The following DCAF8L2 variants were observed in gnomAD, a reference collection of about 807,000 sequenced individuals.
DCAF8L2 encodes the protein DDB1- and CUL4-associated factor 8-like protein 2.
For synonymous variants in DCAF8L2, 200 were observed against 190.9 expected (o/e 1.05, Z -0.39); for missense variants, 430 against 490.7 (o/e 0.88, Z 1.17).
intron 3 of DCAF8L2, among the ~76,000 whole-genome samples, chrX:27,695,275 A>G (rs897595766): frequency 4.4e-5 from 5 of 112,559 alleles, no homozygotes; most frequent in Non-Finnish European, 7.5e-5. Context: ...TATGAAGGTT[A>G]CTATTATTTT....
At chrX:27,531,728 G>C in the DCAF8L2 span, among the ~76,000 whole-genome samples, 1 of 111,229 alleles carries the variant, frequency 9.0e-6, no homozygotes, top group Non-Finnish European at 1.9e-5. Flanking sequence ...GGCTACATCT[G>C]TTTTCCATCT....
intron 1 of DCAF8L2, among the ~76,000 whole-genome samples, chrX:27,628,438 G>A (rs778441520): frequency 7.2e-5 from 8 of 111,472 alleles, no homozygotes; most frequent in African/African-American, 2.6e-4. Context: ...TTTCCTTTGT[G>A]TATATGCACA....
intron 1 of DCAF8L2, among the ~76,000 whole-genome samples, chrX:27,613,173 G>A (rs985390767): frequency 9.0e-6 from 1 of 111,248 alleles, no homozygotes; most frequent in African/African-American, 3.3e-5. Flanking sequence ...CACATCCCTT[G>A]TAAGTTGGAT....
the DCAF8L2 span, among the ~76,000 whole-genome samples, chrX:27,578,274 G>T: frequency 9.0e-6 from 1 of 111,541 alleles, no homozygotes; most frequent in Admixed American, 9.5e-5. Flanking sequence ...ACAACAATCT[G>T]ATCTCTGACA....
At chrX:27,628,882 T>C (rs1045592457) in intron 1 of DCAF8L2, among the ~76,000 whole-genome samples, 4 of 111,352 alleles carry the variant, frequency 3.6e-5, no homozygotes, top group Non-Finnish European at 7.5e-5. Context: ...GGATTACAGG[T>C]GTGAGTCTTT....
intron 2 of DCAF8L2, among the ~76,000 whole-genome samples, chrX:27,661,892 G>A (rs1929571804): frequency 1.8e-5 from 2 of 111,388 alleles, no homozygotes; most frequent in South Asian, 7.5e-4. Flanking sequence ...CCACTTCCTG[G>A]GATGTCTGGA....
chrX:27,564,652 A>G, the DCAF8L2 span, among the ~76,000 whole-genome samples: 1 of 109,851 alleles, frequency 9.1e-6, no homozygotes, highest in South Asian at 4.0e-4. Flanking sequence ...GAGACTGGAA[A>G]TGGGTCAATG....
In DCAF8L2 at chrX:27,748,945, C is replaced by T; in HGVS notation, c.*154C>T. 1.5e-6 allele frequency: 1 copy of T among 658,659 alleles called. No homozygotes were observed. The highest frequency in any genetic ancestry group is 2.2e-6 in the Non-Finnish European group (1 of 461,486). The allele number at this position is 658,659 out of a possible 1,213,427, so 54.3% of individuals were successfully genotyped here. ...TGAAAACCGTCTCTTCCATTCCTTC[C>T]TCTCTACTTTCCTTTCTTTCTTCCA... is the stretch of plus-strand genomic sequence containing the variant. On this transcript the variant is annotated 3_prime_UTR_variant, in exon 5 of 5. Coordinates refer to ENST00000451261, the MANE Select transcript of DCAF8L2 (RefSeq NM_001353450.2).
intron 2 of DCAF8L2, among the ~76,000 whole-genome samples, chrX:27,661,793 C>A (rs939861852): frequency 3.6e-5 from 4 of 111,403 alleles, no homozygotes; most frequent in African/African-American, 1.3e-4. Flanking sequence ...GCCTTTCTCA[C>A]ATGATAGAGG....
intron 1 of DCAF8L2, among the ~76,000 whole-genome samples, chrX:27,630,788 C>T (rs1463423734): frequency 8.9e-6 from 1 of 112,011 alleles, no homozygotes; most frequent in Non-Finnish European, 1.9e-5. Flanking sequence ...GCTAGGAAGT[C>T]CAAGCTCAAG....
chrX:27,560,324 G>A, the DCAF8L2 span, among the ~76,000 whole-genome samples: 1 of 110,474 alleles, frequency 9.1e-6, no homozygotes, highest in African/African-American at 3.3e-5. Context: ...TTCACTGGGA[G>A]GATTTTTCTT....
rs1363668763 is a variant in DCAF8L2, at chrX:27,747,321, GGAGGAGGAA to G, written c.429_437del (p.Glu145_Glu147del). The G allele has an allele frequency of 1.4e-4, 145 of 1,049,038 alleles. No homozygotes were observed. The East Asian group carries it at 3.4e-3, about 25-fold the overall frequency. 86.5% of individuals were successfully genotyped at this position (1,049,038 alleles called of 1,213,427 possible). ...AGGAGGAGGAGGAGGAGGAGGAGGA[GGAGGAGGAA>G]GAAGAACAGCCTCGGGCGGGTCCAC... On this transcript the variant is annotated inframe_deletion, in exon 5 of 5. Transcript: ENST00000451261.
At chrX:27,737,115 A>C (rs1031546674) in intron 4 of DCAF8L2, among the ~76,000 whole-genome samples, 2 of 112,056 alleles carry the variant, frequency 1.8e-5, no homozygotes, top group Non-Finnish European at 3.8e-5. Context: ...AAATATTTAA[A>C]AGTTTCTCAG....
chrX:27,646,509 G>T (rs1370202368), intron 2 of DCAF8L2, among the ~76,000 whole-genome samples: 1 of 111,596 alleles, frequency 9.0e-6, no homozygotes, highest in East Asian at 2.8e-4. Flanking sequence ...CATGGGCAAA[G>T]ATTTTATGAT....
chrX:27,710,465 T>C (rs12690127), intron 3 of DCAF8L2, among the ~76,000 whole-genome samples: 11,146 of 111,389 alleles, frequency 0.1, 547 homozygotes, highest in East Asian at 0.35. Flanking sequence ...CTAATCTGTT[T>C]GTCAGTGTTC....
At chrX:27,566,585 C>T in the DCAF8L2 span, among the ~76,000 whole-genome samples, 5 of 110,867 alleles carry the variant, frequency 4.5e-5, no homozygotes, top group Non-Finnish European at 9.5e-5. Context: ...ATGGTAATGT[C>T]TCCTTTTGCA....
chrX:27,720,362 T>A (rs1931851472), intron 4 of DCAF8L2, among the ~76,000 whole-genome samples: 1 of 107,810 alleles, frequency 9.3e-6, no homozygotes. Context: ...TATTGTAGAT[T>A]ATTATTATTA....
chrX:27,569,279 G>T, the DCAF8L2 span, among the ~76,000 whole-genome samples: 1 of 111,139 alleles, frequency 9.0e-6, no homozygotes, highest in South Asian at 3.8e-4. Flanking sequence ...ATATCTTTCA[G>T]GCTTGTTTCT....
At chrX:27,544,726 G>A in the DCAF8L2 span, among the ~76,000 whole-genome samples, 379 of 111,956 alleles carry the variant, frequency 3.4e-3, 1 homozygote, top group African/African-American at 0.011. Context: ...AAAGAGTTAA[G>A]AAGATTATTA....
Sources: gnomAD v4.1 joint callset for allele counts (sites outside exome capture counted in the v4.1 genomes callset) on GRCh38, gnomAD v4.1.1 for gene constraint, MANE v1.5 for transcripts, NCBI Gene and HGNC (gene_info 2026-07-23, HGNC 2026-07-21) for gene names.